The following ARRB1 variants were observed in gnomAD, a reference collection of about 807,000 sequenced individuals.
ARRB1 encodes the protein arrestin beta 1.
ARRB1 carries 21 observed loss-of-function variants against 56.8 expected under a neutral mutation model. The observed-to-expected ratio is 0.37, with a 90% confidence interval of 0.26 to 0.53. ARRB1 has a LOEUF of 0.53. ARRB1 is among the 20% of genes least tolerant of loss of function. The pLI is 0.88. For missense variants in ARRB1, 424 were observed against 553.7 expected, an observed-to-expected ratio of 0.77 and a Z score of 2.35; for synonymous variants, 210 against 218.6, an observed-to-expected ratio of 0.96 and a Z score of 0.35.
chr11:75,275,687 G>A (rs990865692), intron 10 of ARRB1, among the ~76,000 whole-genome samples: 26 of 152,174 alleles, frequency 1.7e-4, no homozygotes, highest in African/African-American at 5.8e-4. Flanking sequence ...TCGGACGACC[G>A]TGTTCCAGCC....
chr11:75,290,543 G>A (rs1946585478), intron 1 of ARRB1, among the ~76,000 whole-genome samples: 1 of 151,576 alleles, frequency 6.6e-6, no homozygotes, highest in Non-Finnish European at 1.5e-5. Flanking sequence ...GGGGCCTGAA[G>A]TCCCTCTCTT....
At chr11:75,297,864 C>CAAAAAAAAAAAAAAA (rs34831668) in intron 1 of ARRB1, among the ~76,000 whole-genome samples, 2 of 29,268 alleles carry the variant, frequency 6.8e-5, no homozygotes, top group South Asian at 2.0e-3. Context: ...GACTTTGTCT[C>CAAAAAAAAAAAAAAA]AAAAAAAAAA....
chr11:75,350,936 GTGGGGGTCAGTGT>G (rs1565151644), intron 1 of ARRB1, among the ~76,000 whole-genome samples: 1 of 152,206 alleles, frequency 6.6e-6, no homozygotes, highest in Non-Finnish European at 1.5e-5. Flanking sequence ...GATTGTGTCT[GTGGGGGTCAGTGT>G]TGGTGTGGCC....
intron 1 of ARRB1, among the ~76,000 whole-genome samples, chr11:75,341,122 C>T (rs748529225): frequency 6.6e-6 from 1 of 152,034 alleles, no homozygotes; most frequent in Admixed American, 6.6e-5. Context: ...CACCCTCAGT[C>T]TTGAATGATG....
At chr11:75,312,339 T>C (rs1947180260) in intron 1 of ARRB1, among the ~76,000 whole-genome samples, 1 of 152,228 alleles carries the variant, frequency 6.6e-6, no homozygotes. Context: ...AGGGACAGTC[T>C]GCCTGTGTGT....
At chr11:75,300,821 A>AT (rs1946883419) in intron 1 of ARRB1, among the ~76,000 whole-genome samples, 2 of 150,822 alleles carry the variant, frequency 1.3e-5, no homozygotes, top group Non-Finnish European at 2.9e-5. Flanking sequence ...CAAAAAAATT[A>AT]GCCGGGCGTG....
At chr11:75,288,323 G>A (rs1177665395) in intron 2 of ARRB1, among the ~76,000 whole-genome samples, 3 of 152,290 alleles carry the variant, frequency 2.0e-5, no homozygotes, top group African/African-American at 7.2e-5. Context: ...TGCCTTCTGA[G>A]GCACTGAGGG....
intron 1 of ARRB1, among the ~76,000 whole-genome samples, chr11:75,293,653 G>A (rs763865656): frequency 6.6e-6 from 1 of 152,178 alleles, no homozygotes; most frequent in African/African-American, 2.4e-5. Context: ...TACCAGCAGT[G>A]TTCCAGCTGA....
chr11:75,344,975 G>T (rs1591995024), intron 1 of ARRB1, among the ~76,000 whole-genome samples: 4 of 152,306 alleles, frequency 2.6e-5, no homozygotes, highest in African/African-American at 9.6e-5. Flanking sequence ...ATTGCATCCT[G>T]CCTCCCGCTG....
chr11:75,298,826 C>T (rs771925907), intron 1 of ARRB1, among the ~76,000 whole-genome samples: 28 of 149,626 alleles, frequency 1.9e-4, no homozygotes, highest in Non-Finnish European at 3.1e-4. Context: ...TCAGTCTATA[C>T]ATACAATGGA....
rs983055292 is a variant in ARRB1 at position 75,264,302 on chromosome 11, A to G, written c.*1861T>C. On this transcript the variant is annotated 3_prime_UTR_variant, in exon 16 of 16. Coordinates refer to ENST00000420843, the MANE Select transcript of ARRB1 (RefSeq NM_004041.5). ...TGGAAAGGATTGAGATGCCACTTGT[A>G]TAAGATTTTTTGTCTCCCTTTTCAG... 1 of 152,232 alleles carries G rather than the reference A, an allele frequency of 6.6e-6. No individual in the cohort carries two copies. Among genetic ancestry groups the G allele is most frequent in the African/African-American group, 2.4e-5 (1 of 41,452 alleles). The allele number at this position is 152,232 out of a possible 1,614,324, so 9.4% of individuals were successfully genotyped here. A position where few individuals can be genotyped will look rare whatever the true frequency, so the allele number is the denominator to read the frequency against.
At chr11:75,306,504 GA>G in intron 1 of ARRB1, 1 of 940,596 alleles carries the variant, frequency 1.1e-6, no homozygotes, top group Non-Finnish European at 1.5e-6. Flanking sequence ...GTAAATCCCA[GA>G]AAGAGAGGAA....
At chr11:75,298,880 A>G (rs477750) in intron 1 of ARRB1, among the ~76,000 whole-genome samples, 30,998 of 151,764 alleles carry the variant, frequency 0.2, 3,269 homozygotes, top group East Asian at 0.34. Context: ...GATTCATGCT[A>G]CAACATAATG....
At chr11:75,284,936 T>C (rs957348531) in intron 3 of ARRB1, among the ~76,000 whole-genome samples, 24 of 151,816 alleles carry the variant, frequency 1.6e-4, no homozygotes, top group African/African-American at 5.6e-4. Context: ...ATAGGCAAAA[T>C]GGTACATGTT....
At chr11:75,307,726 A>G (rs1337805808) in intron 1 of ARRB1, among the ~76,000 whole-genome samples, 1 of 151,790 alleles carries the variant, frequency 6.6e-6, no homozygotes, top group Non-Finnish European at 1.5e-5. Flanking sequence ...TCCCCTGCCC[A>G]GGGTCCCACT....
chr11:75,298,242 T>TAA (rs34770388), intron 1 of ARRB1, among the ~76,000 whole-genome samples: 2 of 135,452 alleles, frequency 1.5e-5, no homozygotes, highest in East Asian at 2.1e-4. Flanking sequence ...AAAGTATAAT[T>TAA]AAAAAAAAAA....
Position 75,328,456 on chromosome 11 carries a change from C to T in ARRB1, c.20+23132G>A, listed in dbSNP as rs185142387. Among the ~76,000 whole-genome samples, 29 of 152,352 alleles carry T rather than the reference C, an allele frequency of 1.9e-4. No homozygotes were observed. In the East Asian group the frequency reaches 5.6e-3, roughly 29 times the overall value. ...GTGAATGAGGACAGTTGTTCATCCC[C>T]ATTCCCCAGAAGACAACATTGAGGT... On this transcript the variant is annotated intron_variant, in intron 1 of 15. Coordinates refer to ENST00000420843, the MANE Select transcript of ARRB1 (RefSeq NM_004041.5).
Position 75,267,650 on chromosome 11 carries a change from A to C in ARRB1, c.1145+2T>G. On this transcript the variant is annotated splice_donor_variant, in intron 15 of 15. Transcript: ENST00000420843. LOFTEE classifies it high-confidence loss of function. ...GATGTCTGCAGGCAGGGTTCAGCTT[A>C]CTTTGTGTCAAGTTCTATGAGATTG... The C allele has an allele frequency of 2.7e-6, 4 of 1,490,312 alleles. No individual in the cohort carries two copies. Among genetic ancestry groups the C allele is most frequent in the Non-Finnish European group, 3.6e-6 (4 of 1,104,740 alleles). 92.3% of individuals were successfully genotyped at this position (1,490,312 alleles called of 1,614,324 possible).
In ARRB1 at chr11:75,318,425, C is replaced by T. The variant is rs138563278; in HGVS notation, c.21-28386G>A. 5.5e-3 allele frequency among the ~76,000 whole-genome samples: 831 copies of T among 152,256 alleles called. 3 individuals are homozygous for T. Among genetic ancestry groups the T allele is most frequent in the African/African-American group, 0.019 (794 of 41,548 alleles). Reference sequence around the variant, plus strand: ...CTCCCCATGGCTGGGCACGGTGGCTCATGCCGATAATCCCAGAACTTTGGG... The same window carrying T: ...CTCCCCATGGCTGGGCACGGTGGCTTATGCCGATAATCCCAGAACTTTGGG... On this transcript the variant is annotated intron_variant, in intron 1 of 15. Transcript: ENST00000420843.
Sources: gnomAD v4.1 joint callset for allele counts (sites outside exome capture counted in the v4.1 genomes callset) on GRCh38, gnomAD v4.1.1 for gene constraint, MANE v1.5 for transcripts, NCBI Gene and HGNC (gene_info 2026-07-23, HGNC 2026-07-21) for gene names.